CLNK: variants seen among roughly 807,000 people sequenced by gnomAD.
The protein encoded by CLNK is cytokine-dependent hematopoietic cell linker.
CLNK carries 74 observed loss-of-function variants against 68.6 expected under a neutral mutation model. That is an observed-to-expected ratio of 1.08 (90% CI 0.89 to 1.31). The LOEUF (loss-of-function observed/expected upper bound fraction) is 1.31, where lower values mean the gene tolerates loss of function less well. CLNK is among the 50% of genes most tolerant of loss of function. CLNK has a pLI of 0.00. For missense variants in CLNK, 553 were observed against 515.3 expected (o/e 1.07, Z -0.71); for synonymous variants, 198 against 172.2 (o/e 1.15, Z -1.17).
At position 10,542,266 on chromosome 4, in the gene CLNK, T is replaced by C. The variant is rs1232024183; in HGVS notation, c.460A>G (p.Arg154Gly). Reference sequence around the variant, plus strand: ...TTGATTTCTCTTACCTTGTTCTTTCTTACGGATGCATCTCCTAAAACATAA... The same window carrying C: ...TTGATTTCTCTTACCTTGTTCTTTCCTACGGATGCATCTCCTAAAACATAA... ...SQNIKGDASV[R>G]KNKIPLPPPR... Residue 154 changes from arginine to glycine, a missense_variant, in exon 9 of 19, where the codon AGA becomes GGA. Physicochemically the swap from Arg to Gly is moderately radical, Grantham distance 125. Transcript: ENST00000226951. 6.5e-7 allele frequency: 1 copy of C among 1,534,724 alleles called. No individual in the cohort carries two copies. The highest frequency in any genetic ancestry group is 2.3e-5 in the East Asian group (1 of 43,678).
At chr4:10,537,249 G>T (rs972883197) in intron 11 of CLNK, among the ~76,000 whole-genome samples, 1 of 152,158 alleles carries the variant, frequency 6.6e-6, no homozygotes, top group Non-Finnish European at 1.5e-5. Flanking sequence ...AGGCCAAGGC[G>T]GGTGGATCAC....
At chr4:10,692,845 G>A in the CLNK span, among the ~76,000 whole-genome samples, 1 of 152,172 alleles carries the variant, frequency 6.6e-6, no homozygotes, top group Admixed American at 6.5e-5. Context: ...TAGATTAGCA[G>A]ATGGAAAAGA....
At chr4:10,696,772 T>C in the CLNK span, among the ~76,000 whole-genome samples, 1 of 152,150 alleles carries the variant, frequency 6.6e-6, no homozygotes, top group Admixed American at 6.5e-5. Flanking sequence ...TCAAATGAAG[T>C]AGTCAATCAT....
chr4:10,712,284 T>A, the CLNK span, among the ~76,000 whole-genome samples: 1 of 152,104 alleles, frequency 6.6e-6, no homozygotes. Context: ...TTTGCTTAAG[T>A]CCCCTGCAGT....
At chr4:10,709,728 A>G in the CLNK span, among the ~76,000 whole-genome samples, 4 of 152,206 alleles carry the variant, frequency 2.6e-5, no homozygotes, top group African/African-American at 9.6e-5. Flanking sequence ...AGGACTGCAC[A>G]CTTTTCTTAG....
At chr4:10,659,947 G>A (rs1724129324) in intron 2 of CLNK, among the ~76,000 whole-genome samples, 1 of 152,146 alleles carries the variant, frequency 6.6e-6, no homozygotes. Context: ...CCTTTCTTAT[G>A]TCTCATCTGT....
intron 7 of CLNK, among the ~76,000 whole-genome samples, chr4:10,564,410 T>C (rs1345548341): frequency 1.3e-5 from 2 of 152,226 alleles, no homozygotes; most frequent in Admixed American, 1.3e-4. Flanking sequence ...ATGAGATGCA[T>C]GTCAAAGTCC....
chr4:10,659,645 A>G (rs1459095575), intron 2 of CLNK, among the ~76,000 whole-genome samples: 1 of 152,240 alleles, frequency 6.6e-6, no homozygotes, highest in Non-Finnish European at 1.5e-5. Flanking sequence ...AATACAGAGA[A>G]GAATGGAAGT....
intron 1 of CLNK, among the ~76,000 whole-genome samples, chr4:10,675,511 C>T (rs1251183265): frequency 6.6e-6 from 1 of 152,186 alleles, no homozygotes; most frequent in Non-Finnish European, 1.5e-5. Flanking sequence ...GGGAATTCAC[C>T]AGTACTACCA....
chr4:10,681,395 G>A (rs113929614), intron 1 of CLNK, among the ~76,000 whole-genome samples: 56 of 152,280 alleles, frequency 3.7e-4, no homozygotes, highest in African/African-American at 1.3e-3. Flanking sequence ...TTGGGCCTAG[G>A]CTATTAGTCA....
At position 10,566,122 on chromosome 4, in the gene CLNK, C is replaced by T. The variant is rs760140846; in HGVS notation, c.179G>A (p.Gly60Glu). ...GTCATCATCACTGTGGCCTTTTGCT[C>T]CATCCAGGACTGCAGCAAAGTTTCT... ...WERNFAAVLD[G>E]AKGHSDDDYD... Residue 60 changes from glycine (G) to glutamate (E), a missense_variant, in exon 6 of 19, where the codon GGA (glycine) becomes GAA (glutamate). Coordinates refer to ENST00000226951, the MANE Select transcript of CLNK (RefSeq NM_052964.4). The T allele has an allele frequency of 2.5e-6, 4 of 1,613,796 alleles. No homozygotes were observed. In the East Asian group the frequency reaches 8.9e-5, roughly 36 times the overall value.
the CLNK span, among the ~76,000 whole-genome samples, chr4:10,706,055 G>C: frequency 6.6e-6 from 1 of 152,206 alleles, no homozygotes; most frequent in African/African-American, 2.4e-5. Context: ...GTGGAGAAGA[G>C]GAACCAGAAA....
Position 10,542,271 on chromosome 4 carries a change from G to A in CLNK, c.455C>T (p.Ser152Phe). ...VRSQNIKGDA[S>F]VRKNKIPLPP... ...TTCTCTTACCTTGTTCTTTCTTACG[G>A]ATGCATCTCCTAAAACATAAGAGGG... The change falls in exon 9 of 19, where the codon TCC (serine) becomes TTC (phenylalanine). Residue 152 changes from serine (S) to phenylalanine (F), a missense_variant. Coordinates refer to ENST00000226951, the MANE Select transcript of CLNK (RefSeq NM_052964.4). 1 of 1,537,072 alleles carries A rather than the reference G, an allele frequency of 6.5e-7. No individual in the cohort carries two copies. The highest frequency in any genetic ancestry group is 8.9e-7 in the Non-Finnish European group (1 of 1,125,390).
At position 10,548,647 on chromosome 4, in the gene CLNK, A is replaced by G. The variant is rs527494206; in HGVS notation, c.446-6367T>C. 3.5e-4 allele frequency among the ~76,000 whole-genome samples: 53 copies of G among 152,314 alleles called. 1 individual carries two copies. The highest frequency in any genetic ancestry group is 7.8e-4 in the Admixed American group (12 of 15,308). On this transcript the variant is annotated intron_variant, in intron 8 of 18. Transcript: ENST00000226951. ...GTTCTGTAGTTTTGGGTATACCCCA[A>G]GTTGATTTAATCCACCCCAAATTGA...
intron 18 of CLNK, among the ~76,000 whole-genome samples, chr4:10,494,457 C>T (rs1353377597): frequency 1.4e-5 from 2 of 143,990 alleles, no homozygotes; most frequent in Non-Finnish European, 3.1e-5. Context: ...ACAGTATTTC[C>T]TATTTTTTTT....
At chr4:10,659,626 C>T (rs774646080) in intron 2 of CLNK, among the ~76,000 whole-genome samples, 3 of 152,088 alleles carry the variant, frequency 2.0e-5, no homozygotes, top group East Asian at 3.9e-4. Flanking sequence ...CCTCCCCACC[C>T]CCATAAAAAA....
chr4:10,584,190 C>A (rs980574497), intron 4 of CLNK, among the ~76,000 whole-genome samples: 1 of 152,204 alleles, frequency 6.6e-6, no homozygotes, highest in Non-Finnish European at 1.5e-5. Context: ...CCAGTTCTCC[C>A]AGCTGCTGGG....
chr4:10,571,834 CAAAAAG>C, intron 4 of CLNK, 56 bp from the exon 5 acceptor site: 1 of 1,346,002 alleles, frequency 7.4e-7, no homozygotes, highest in Non-Finnish European at 1.1e-6. Context: ...CTCCAAACAT[CAAAAAG>C]ACTGGGCCCT....
chr4:10,559,358 T>C (rs1719800182), intron 7 of CLNK, among the ~76,000 whole-genome samples: 1 of 152,190 alleles, frequency 6.6e-6, no homozygotes. Flanking sequence ...CTTTTGGTTA[T>C]ATCTAATTAG....
Sources: allele counts gnomAD v4.1 joint callset (sites outside exome capture counted in the v4.1 genomes callset), GRCh38; gene constraint gnomAD v4.1.1; transcripts MANE v1.5; gene names NCBI Gene and HGNC (gene_info 2026-07-23, HGNC 2026-07-21).